The following AHI1 variants were observed in gnomAD, a reference collection of about 807,000 sequenced individuals.
The protein encoded by AHI1 is Abelson helper integration site 1.
A neutral mutation model predicts 149.3 loss-of-function variants in AHI1; 123 were observed. The ratio of observed to expected loss-of-function variants is 0.82; its 90% CI spans 0.71 to 0.96. The LOEUF is 0.96. Among genes scored for constraint, AHI1 ranks in the 40% least tolerant of loss-of-function variants. The probability of loss-of-function intolerance (pLI) is 0.00; values close to 1 mark genes in which losing one functional copy is unlikely to be tolerated. For synonymous variants in AHI1, 475 were observed against 459.8 expected (o/e 1.03, Z -0.42); for missense variants, 1,439 against 1,422.7 (o/e 1.01, Z -0.18).
rs371960115 is a variant in AHI1 at position 135,395,100 on chromosome 6, T to C, written c.2989-204A>G. 2.0e-3 allele frequency among the ~76,000 whole-genome samples: 311 copies of C among 152,102 alleles called. 4 individuals carry two copies. Among genetic ancestry groups the C allele is most frequent in the African/African-American group, 6.8e-3 (284 of 41,564 alleles). On this transcript the variant is annotated intron_variant, in intron 22 of 28. Coordinates refer to ENST00000265602, the MANE Select transcript of AHI1 (RefSeq NM_001134831.2). ...AAAAAATATAATAGTAATTAGAACA[T>C]AGCTATATGAAAATAAATCAGCCTT...
rs548835528 is a variant in AHI1 at position 135,477,426 on chromosome 6, C to G, written c.136-9792G>C. On this transcript the variant is annotated intron_variant, in intron 5 of 28. Transcript: ENST00000265602. ...TGGCTTTTTAGCTATCCTTTTAAAA[C>G]AAATTTATGAAGACTCTAGGTTTTA... Among the ~76,000 whole-genome samples the G allele has an allele frequency of 2.6e-5, 4 of 152,248 alleles. No homozygotes were observed. In the East Asian group the frequency reaches 7.7e-4, roughly 29 times the overall value.
At chr6:135,478,135 T>A (rs900965899) in intron 5 of AHI1, among the ~76,000 whole-genome samples, 1 of 152,162 alleles carries the variant, frequency 6.6e-6, no homozygotes, top group Non-Finnish European at 1.5e-5. Context: ...GAGAACGGAC[T>A]AATATGAAAA....
intron 24 of AHI1, among the ~76,000 whole-genome samples, chr6:135,337,345 A>G (rs1455645258): frequency 2.6e-5 from 4 of 152,232 alleles, no homozygotes; most frequent in African/African-American, 9.6e-5. Flanking sequence ...ACATACACAT[A>G]TATGTATATA....
chr6:135,289,654 AT>A (rs1363838675), intron 28 of AHI1, among the ~76,000 whole-genome samples: 1 of 151,998 alleles, frequency 6.6e-6, no homozygotes, highest in East Asian at 1.9e-4. Context: ...ATGTTTTCCA[AT>A]TCTGGTATCA....
chr6:135,329,915 T>C (rs558418412), intron 24 of AHI1, among the ~76,000 whole-genome samples: 230 of 152,292 alleles, frequency 1.5e-3, no homozygotes, highest in Non-Finnish European at 2.6e-3. Context: ...GTGGAGGAAG[T>C]AACTGGAGAT....
intron 22 of AHI1, among the ~76,000 whole-genome samples, chr6:135,395,858 C>T (rs1394536179): frequency 8.5e-6 from 1 of 117,066 alleles, no homozygotes; most frequent in Non-Finnish European, 2.1e-5. Flanking sequence ...AGCCCCTTTC[C>T]CATTTTTTTG....
Position 135,472,018 on chromosome 6 carries a change from C to CAAAAAAAAAAAA in AHI1, c.136-4396_136-4385dup, listed in dbSNP as rs541390652. On this transcript the variant is annotated intron_variant, in intron 5 of 28. Coordinates refer to ENST00000265602, the MANE Select transcript of AHI1 (RefSeq NM_001134831.2). ...TGGGCGACAGAGCGAGACTCCGTCT[C>CAAAAAAAAAAAA]AAAAAAAAAAAAAAAAAAAAAAAAA... 2.8e-3 allele frequency among the ~76,000 whole-genome samples: 155 copies of CAAAAAAAAAAAA among 54,414 alleles called. 2 individuals carry two copies. Among genetic ancestry groups the CAAAAAAAAAAAA allele is most frequent in the Middle Eastern group, 0.023 (1 of 44 alleles). 35.7% of individuals were successfully genotyped at this position (54,414 alleles called of 152,430 possible). A position where few individuals can be genotyped will look rare whatever the true frequency, so the allele number is the denominator to read the frequency against.
At chr6:135,492,644 C>T (rs924363750) in intron 3 of AHI1, 1 of 985,294 alleles carries the variant, frequency 1.0e-6, no homozygotes, top group Non-Finnish European at 1.2e-6. Flanking sequence ...AAACCAAACT[C>T]CATCTCAGGA....
At chr6:135,448,529 A>G in intron 11 of AHI1, 54 bp from the exon 12 acceptor site, 1 of 1,258,660 alleles carries the variant, frequency 7.9e-7, no homozygotes, top group Admixed American at 2.4e-5. Context: ...AAATATATCC[A>G]ATAAAGCAAT....
At chr6:135,355,335 T>C (rs1271857419) in intron 24 of AHI1, among the ~76,000 whole-genome samples, 2 of 149,634 alleles carry the variant, frequency 1.3e-5, no homozygotes, top group African/African-American at 2.5e-5. Flanking sequence ...AAAACAAATA[T>C]GGTACTATTT....
Position 135,490,379 on chromosome 6 carries a change from C to G in AHI1, c.135+244G>C, listed in dbSNP as rs535008970. 114 of 649,622 alleles carry G rather than the reference C, an allele frequency of 1.8e-4. 2 individuals are homozygous for G. In the South Asian group the frequency reaches 2.0e-3, roughly 12 times the overall value. 40.2% of individuals were successfully genotyped at this position (649,622 alleles called of 1,614,324 possible). A position where few individuals can be genotyped will look rare whatever the true frequency, so the allele number is the denominator to read the frequency against. ...GGCTAGTTTTGAGTTTCCCCACTAT[C>G]TCTGGTCATTTTCCCCACTGTGTGT... On this transcript the variant is annotated intron_variant, in intron 5 of 28. Transcript: ENST00000265602.
At chr6:135,299,872 C>T (rs1317298487) in intron 27 of AHI1, among the ~76,000 whole-genome samples, 1 of 152,108 alleles carries the variant, frequency 6.6e-6, no homozygotes. Flanking sequence ...ACTTTTAATA[C>T]ACGTTCACTT....
At chr6:135,424,066 C>A (rs1783599218) in intron 20 of AHI1, among the ~76,000 whole-genome samples, 1 of 151,916 alleles carries the variant, frequency 6.6e-6, no homozygotes, top group South Asian at 2.1e-4. Flanking sequence ...ACATACTCCA[C>A]AGAGAAACAT....
At chr6:135,303,120 T>C (rs2128354804) in intron 26 of AHI1, among the ~76,000 whole-genome samples, 1 of 152,262 alleles carries the variant, frequency 6.6e-6, no homozygotes, top group South Asian at 2.1e-4. Flanking sequence ...TAACATAAAA[T>C]AAATGATTAA....
chr6:135,380,227 C>T (rs1211898267), intron 23 of AHI1, among the ~76,000 whole-genome samples: 1 of 151,834 alleles, frequency 6.6e-6, no homozygotes, highest in Non-Finnish European at 1.5e-5. Flanking sequence ...GTTCTGCATC[C>T]ACGCATTCAA....
At chr6:135,441,853 T>C (rs951055899) in intron 14 of AHI1, among the ~76,000 whole-genome samples, 1 of 152,102 alleles carries the variant, frequency 6.6e-6, no homozygotes. Flanking sequence ...ATCTACTTAA[T>C]AAATGCCAAT....
intron 5 of AHI1, among the ~76,000 whole-genome samples, chr6:135,481,962 C>T (rs1172286961): frequency 1.3e-5 from 2 of 151,430 alleles, no homozygotes; most frequent in Admixed American, 6.6e-5. Flanking sequence ...TCATTATTCT[C>T]CTATATAAAA....
chr6:135,287,971 T>C (rs1390240462), intron 28 of AHI1, among the ~76,000 whole-genome samples: 1 of 151,936 alleles, frequency 6.6e-6, no homozygotes, highest in African/African-American at 2.4e-5. Context: ...GGTGGGTGCC[T>C]GTAATCCCAG....
chr6:135,444,243 C>G (rs1250738131), intron 13 of AHI1, among the ~76,000 whole-genome samples: 1 of 152,162 alleles, frequency 6.6e-6, no homozygotes, highest in African/African-American at 2.4e-5. Context: ...CAAGATCTCC[C>G]CATGCCACTG....
Sources: allele counts gnomAD v4.1 joint callset (sites outside exome capture counted in the v4.1 genomes callset), GRCh38; gene constraint gnomAD v4.1.1; transcripts MANE v1.5; gene names NCBI Gene and HGNC (gene_info 2026-07-23, HGNC 2026-07-21).